The following GRAMD4 variants were observed in gnomAD, a reference collection of about 807,000 sequenced individuals.
The protein encoded by GRAMD4 is GRAM domain-containing protein 4.
In GRAMD4, 25 loss-of-function variants were observed where a neutral mutation model predicts 83.9. The ratio of observed to expected loss-of-function variants is 0.30; its 90% CI spans 0.22 to 0.42. The LOEUF is 0.42. Ranked by LOEUF, GRAMD4 falls within the 10% of genes least tolerant of loss-of-function variation. The pLI, the probability that GRAMD4 is intolerant of heterozygous loss-of-function variation, is 1.00. For synonymous variants in GRAMD4, 336 were observed against 320.9 expected, an observed-to-expected ratio of 1.05 and a Z score of -0.50; for missense variants, 593 against 788.7, an observed-to-expected ratio of 0.75 and a Z score of 2.97.
At chr22:46,673,115 A>G (rs2082537981) in intron 14 of GRAMD4, 118 bp downstream of exon 14, 5 of 830,580 alleles carry the variant, frequency 6.0e-6, no homozygotes, top group East Asian at 2.7e-5. Flanking sequence ...CTTCAATTTT[A>G]TAGACTCCTT....
chr22:46,678,336 G>T lies in GRAMD4; in HGVS notation c.*1085G>T. 2 of 985,490 alleles carry T rather than the reference G, an allele frequency of 2.0e-6. No homozygotes were observed. Among genetic ancestry groups the T allele is most frequent in the Non-Finnish European group, 2.4e-6 (2 of 829,968 alleles). 61.0% of individuals were successfully genotyped at this position (985,490 alleles called of 1,614,324 possible). A position where few individuals can be genotyped will look rare whatever the true frequency, so the allele number is the denominator to read the frequency against. On this transcript the variant is annotated 3_prime_UTR_variant, in exon 19 of 19. Coordinates refer to ENST00000406902, the MANE Select transcript of GRAMD4 (RefSeq NM_015124.5). ...GCCTGGGCCTGCACTGCCTGCAGCC[G>T]ACATGCGACAGCGTTCCCTCCCCCG...
At chr22:46,630,814 C>T (rs940030851) in intron 2 of GRAMD4, among the ~76,000 whole-genome samples, 2 of 152,240 alleles carry the variant, frequency 1.3e-5, no homozygotes, top group Non-Finnish European at 2.9e-5. Context: ...AGTGCTGGAC[C>T]GAGTGTGCCT....
chr22:46,619,362 A>G (rs2081542883), upstream of GRAMD4, among the ~76,000 whole-genome samples: 1 of 152,090 alleles, frequency 6.6e-6, no homozygotes, highest in Non-Finnish European at 1.5e-5. Context: ...TCTTAGAGAC[A>G]AGGTCTGGCC....
At chr22:46,643,434 A>C (rs750580406) in intron 3 of GRAMD4, among the ~76,000 whole-genome samples, 20 of 152,138 alleles carry the variant, frequency 1.3e-4, no homozygotes, top group Non-Finnish European at 2.5e-4. Flanking sequence ...CATGCTAAAT[A>C]CTTTTGTAGT....
rs2082289701 is a variant in GRAMD4, at chr22:46,659,127, G to C, written c.404+820G>C. 6.6e-6 allele frequency among the ~76,000 whole-genome samples: 1 copy of C among 152,072 alleles called. No homozygotes were observed. The highest frequency in any genetic ancestry group is 2.4e-5 in the African/African-American group (1 of 41,400). ...AGGGAGCTCAGGCCACTCACCTCTGGCTCCCAGGCCTCCCGCTCAGCCTCC... is the reference window on the plus strand; with the variant it reads ...AGGGAGCTCAGGCCACTCACCTCTGCCTCCCAGGCCTCCCGCTCAGCCTCC... On this transcript the variant is annotated intron_variant, in intron 4 of 18. Transcript: ENST00000406902. This position sits in a 1 kb window ranked among gnomAD's most constrained non-coding sequence, Gnocchi z 4.1.
intron 3 of GRAMD4, among the ~76,000 whole-genome samples, chr22:46,648,058 G>A (rs1034715573): frequency 5.3e-5 from 8 of 152,360 alleles, no homozygotes; most frequent in South Asian, 4.1e-4. Flanking sequence ...ACAACTTTAT[G>A]TGTGTCTATA....
chr22:46,587,937 C>T (rs1299399351), intron 1 of GRAMD4: 1 of 985,258 alleles, frequency 1.0e-6, no homozygotes, highest in Non-Finnish European at 1.2e-6. Context: ...GACGCACTCA[C>T]ATCACAGGTT....
rs373276448 is a variant in GRAMD4, at chr22:46,598,018, G to A, written c.-50+20728G>A. 1.2e-4 allele frequency among the ~76,000 whole-genome samples: 19 copies of A among 152,202 alleles called. No homozygotes were observed. In the East Asian group the frequency reaches 2.1e-3, roughly 17 times the overall value. ...TGTTTTTGAGACAGAGTCTTGCTGT[G>A]TCGCCCAGGCTGGAGTGCAGTGGCA... On this transcript the variant is annotated intron_variant, in intron 1 of 1. Coordinates refer to the GRAMD4 transcript ENST00000431155.
At position 46,672,691 on chromosome 22, in the gene GRAMD4, G is replaced by C; in HGVS notation, c.1085-152G>C. ...GGGGAGCGAGGCTGGGGGTATCCAG[G>C]GTGAGGACTGAGCGAGCAGCTGGAC... On this transcript the variant is annotated intron_variant, in intron 13 of 18. Transcript: ENST00000406902. This position sits in a 1 kb window ranked among gnomAD's most constrained non-coding sequence, Gnocchi z 4.7. 4.8e-6 allele frequency: 3 copies of C among 630,962 alleles called. No homozygotes were observed. The African/African-American group carries it at 5.5e-5, about 12-fold the overall frequency. 39.1% of individuals were successfully genotyped at this position (630,962 alleles called of 1,614,324 possible).
At chr22:46,605,767 G>C (rs1000192273) in intron 1 of GRAMD4, among the ~76,000 whole-genome samples, 1 of 150,188 alleles carries the variant, frequency 6.7e-6, no homozygotes, top group African/African-American at 2.5e-5. Context: ...CCTATGGCCG[G>C]TGCTGAGCAT....
intron 13 of GRAMD4, 29 bp downstream of exon 13, chr22:46,668,937 T>C (rs202022718): frequency 8.5e-6 from 11 of 1,295,196 alleles, no homozygotes; most frequent in African/African-American, 4.3e-5. Flanking sequence ...GGCCTGTAGC[T>C]TCAGGAGGAG....
At chr22:46,577,021 G>T, upstream of GRAMD4, 1 of 146,090 alleles carries the variant, frequency 6.8e-6, no homozygotes, top group South Asian at 2.0e-4. Flanking sequence ...GTGGCGCGCG[G>T]GGCGCGGCCC....
upstream of GRAMD4, among the ~76,000 whole-genome samples, chr22:46,616,094 G>T (rs1482103778): frequency 7.1e-6 from 1 of 141,014 alleles, no homozygotes; most frequent in Non-Finnish European, 1.5e-5. Flanking sequence ...AAGCGTGTAG[G>T]TTCCCCCTTG....
intron 1 of GRAMD4, among the ~76,000 whole-genome samples, chr22:46,601,563 A>G (rs554905264): frequency 1.3e-5 from 2 of 152,032 alleles, no homozygotes; most frequent in African/African-American, 4.8e-5. Context: ...TTGGGAGGCT[A>G]AGGCGGGGGG....
upstream of GRAMD4, among the ~76,000 whole-genome samples, chr22:46,618,012 G>A (rs1347472410): frequency 6.6e-6 from 1 of 152,192 alleles, no homozygotes; most frequent in African/African-American, 2.4e-5. This position sits in a 1 kb window ranked among gnomAD's most constrained non-coding sequence, Gnocchi z 5.8. Context: ...TAGTCCATGG[G>A]TGTCCCTTTC....
In GRAMD4 at chr22:46,677,467, C is replaced by T. The variant is rs536474193; in HGVS notation, c.*216C>T. 9 of 1,316,904 alleles carry T rather than the reference C, an allele frequency of 6.8e-6. No homozygotes were observed. In the Admixed American group the frequency reaches 9.8e-5, roughly 14 times the overall value. 81.6% of individuals were successfully genotyped at this position (1,316,904 alleles called of 1,614,324 possible). A position where few individuals can be genotyped will look rare whatever the true frequency, so the allele number is the denominator to read the frequency against. On this transcript the variant is annotated 3_prime_UTR_variant, in exon 19 of 19. Coordinates refer to ENST00000406902, the MANE Select transcript of GRAMD4 (RefSeq NM_015124.5). The stretch of plus-strand genomic sequence containing the variant: ...GGGGGTGCCCCTCTCCCACAGGGCA[C>T]GTCAGGTGCCTCTGAGGGCCACCCG...
chr22:46,639,153 A>AGTGTGTGTGT (rs3081630), intron 3 of GRAMD4, among the ~76,000 whole-genome samples: 2 of 149,726 alleles, frequency 1.3e-5, no homozygotes, highest in Non-Finnish European at 3.0e-5. Context: ...TGTGTGCGTG[A>AGTGTGTGTGT]GTGTGTGTGT....
intron 1 of GRAMD4, among the ~76,000 whole-genome samples, chr22:46,598,771 C>T (rs1285392407): frequency 6.6e-6 from 1 of 151,972 alleles, no homozygotes; most frequent in Admixed American, 6.6e-5. Context: ...AAAGCCAAGT[C>T]CTCAAAATCC....
intron 3 of GRAMD4, among the ~76,000 whole-genome samples, chr22:46,648,935 C>CATGGATGGATGG (rs57053112): frequency 2.2e-5 from 1 of 45,496 alleles, no homozygotes; most frequent in Non-Finnish European, 4.4e-5. Flanking sequence ...TGGATGGATG[C>CATGGATGGATGG]ATGGATGGAT....
Sources: allele counts gnomAD v4.1 joint callset (sites outside exome capture counted in the v4.1 genomes callset), GRCh38; gene constraint gnomAD v4.1.1; non-coding constraint Gnocchi (gnomAD v3.1); transcripts MANE v1.5; gene names NCBI Gene and HGNC (gene_info 2026-07-23, HGNC 2026-07-21).